The following TERB1 variants were observed in gnomAD, a reference collection of about 807,000 sequenced individuals.
TERB1 encodes telomere repeats-binding bouquet formation protein 1.
TERB1 carries 63 observed loss-of-function variants against 92.3 expected under a neutral mutation model. The ratio of observed to expected loss-of-function variants is 0.68; its 90% CI spans 0.56 to 0.84. The LOEUF (loss-of-function observed/expected upper bound fraction) is 0.84, where lower values mean the gene tolerates loss of function less well. Ranked by LOEUF, TERB1 falls within the 40% of genes least tolerant of loss-of-function variation. The pLI is 0.00. For synonymous variants in TERB1, 252 were observed against 283.9 expected, an observed-to-expected ratio of 0.89 and a Z score of 1.13; for missense variants, 709 against 843.7, an observed-to-expected ratio of 0.84 and a Z score of 1.98.
chr16:66,770,102 G>A lies in TERB1; in HGVS notation c.1480C>T (p.Pro494Ser). The change falls in exon 14 of 19, where the codon CCG becomes TCG. Residue 494 changes from proline (P) to serine (S), a missense_variant. By Grantham distance (74) the Pro-to-Ser change is moderately conservative. Coordinates refer to ENST00000433154, the MANE Select transcript of TERB1 (RefSeq NM_001136505.2). ...ACTNDDQMKT[P>S]LKSANPVHAC... ...TGGACTGGATTTGCGCTCTTTAACG[G>A]TGTCTTCATTTGGTCATCATTTGTA... 1 of 1,552,036 alleles carries A rather than the reference G, an allele frequency of 6.4e-7. No homozygotes were observed. Among genetic ancestry groups the A allele is most frequent in the Non-Finnish European group, 8.7e-7 (1 of 1,147,068 alleles).
Position 66,768,136 on chromosome 16 carries a change from G to A in TERB1, c.1652C>T (p.Ala551Val). The A allele has an allele frequency of 6.4e-7, 1 of 1,550,542 alleles. No individual in the cohort carries two copies. Among genetic ancestry groups the A allele is most frequent in the Non-Finnish European group, 8.7e-7 (1 of 1,146,264 alleles). The change falls in exon 15 of 19, where the codon GCC (alanine) becomes GTC (valine). Residue 551 changes from alanine to valine, a missense_variant. Transcript: ENST00000433154. ...TGGTAACTGCTGCTTTATATTTTTGGCAATGTGAACTGGGTGTTTAAAAAC... is the reference window on the plus strand; with the variant it reads ...TGGTAACTGCTGCTTTATATTTTTGACAATGTGAACTGGGTGTTTAAAAAC... ...DHVFKHPVHI[A>V]KNIKQQLPVT...
intron 3 of TERB1, among the ~76,000 whole-genome samples, chr16:66,791,989 C>T (rs1002040704): frequency 6.6e-6 from 1 of 152,130 alleles, no homozygotes; most frequent in Non-Finnish European, 1.5e-5. Flanking sequence ...AGCAACAAAA[C>T]TACAGACCAG....
At chr16:66,790,455 GA>G (rs1191085836) in intron 5 of TERB1, 139 bp downstream of exon 5, 23 of 556,594 alleles carry the variant, frequency 4.1e-5, no homozygotes, top group East Asian at 2.2e-4. Context: ...GAAAGGAAGG[GA>G]GGGGGGAAGG....
chr16:66,782,278 G>T (rs754216961), intron 9 of TERB1, among the ~76,000 whole-genome samples: 1 of 152,104 alleles, frequency 6.6e-6, no homozygotes, highest in South Asian at 2.1e-4. Flanking sequence ...GGCCAGGTGC[G>T]GTGGCTCATG....
chr16:66,798,330 T>TCACCA, intron 2 of TERB1, among the ~76,000 whole-genome samples: 1 of 152,070 alleles, frequency 6.6e-6, no homozygotes, highest in South Asian at 2.1e-4. Context: ...CAGGCACACA[T>TCACCA]CACCACACTG....
At chr16:66,759,075 A>G (rs2018185023) in intron 17 of TERB1, 66 bp downstream of exon 17, 1 of 1,296,066 alleles carries the variant, frequency 7.7e-7, no homozygotes, top group Admixed American at 2.9e-5. Context: ...AATATATTTA[A>G]TGCTTTAGAT....
chr16:66,761,037 G>T (rs566985483), intron 16 of TERB1, among the ~76,000 whole-genome samples: 71 of 143,382 alleles, frequency 5.0e-4, no homozygotes, highest in Non-Finnish European at 7.0e-4. Context: ...GCTTGAACCC[G>T]CCAGGTGGAG....
chr16:66,761,517 G>A (rs1204229826), intron 16 of TERB1, among the ~76,000 whole-genome samples: 3 of 151,794 alleles, frequency 2.0e-5, no homozygotes, highest in Non-Finnish European at 2.9e-5. Context: ...AGGGTTGAGA[G>A]TGGTGGCTCA....
chr16:66,796,395 G>A (rs1248414817), intron 3 of TERB1, among the ~76,000 whole-genome samples: 2 of 152,132 alleles, frequency 1.3e-5, no homozygotes, highest in East Asian at 1.9e-4. Context: ...ATGTGATGGT[G>A]TATATTATTG....
At chr16:66,786,544 G>A (rs549264106) in intron 6 of TERB1, among the ~76,000 whole-genome samples, 18 of 152,312 alleles carry the variant, frequency 1.2e-4, no homozygotes, top group African/African-American at 4.3e-4. Context: ...GTTCTGTGTT[G>A]CAGTATCAAG....
rs747210566 is a variant in TERB1 at position 66,790,969 on chromosome 16, C to T, written c.82G>A (p.Asp28Asn). 2.4e-5 allele frequency: 37 copies of T among 1,549,170 alleles called. No individual in the cohort carries two copies. The highest frequency in any genetic ancestry group is 7.9e-5 in the Admixed American group (4 of 50,796). The change falls in exon 4 of 19, where the codon GAC becomes AAC. Residue 28 changes from aspartate (D) to asparagine (N), a missense_variant. Asp to Asn is a conservative substitution (Grantham distance 23). Transcript: ENST00000433154. ...GCTTCCTTTTGTGAAAAAGCATTGT[C>T]CATTTGATACTTTAGACACTCCAAT... ...LLLECLKYQMDNAFSQKEALV... is the reference protein window; with the variant it reads ...LLLECLKYQMNNAFSQKEALV...
intron 2 of TERB1, among the ~76,000 whole-genome samples, chr16:66,797,443 C>T (rs1959203090): frequency 6.6e-6 from 1 of 151,674 alleles, no homozygotes; most frequent in Non-Finnish European, 1.5e-5. Flanking sequence ...CGCCATATTG[C>T]CCAGGCTGGT....
At chr16:66,779,057 G>A in intron 9 of TERB1, 42 bp from the exon 10 acceptor site, 1 of 1,364,494 alleles carries the variant, frequency 7.3e-7, no homozygotes, top group Non-Finnish European at 9.8e-7. Context: ...TTTCAAACAA[G>A]ACAGCTGAAT....
At chr16:66,778,769 A>G (rs1005471278) in intron 10 of TERB1, 94 bp downstream of exon 10, 406 of 1,052,410 alleles carry the variant, frequency 3.9e-4, no homozygotes, top group Non-Finnish European at 5.0e-4. Context: ...CTTAGTCTAA[A>G]CCATGTTACT....
chr16:66,766,766 TA>T, intron 16 of TERB1, among the ~76,000 whole-genome samples: 4 of 152,098 alleles, frequency 2.6e-5, no homozygotes. Context: ...TACATACAAA[TA>T]TTGGAAGCTC....
intron 17 of TERB1, 151 bp downstream of exon 17, chr16:66,758,990 C>T: frequency 1.1e-6 from 1 of 918,428 alleles, no homozygotes; most frequent in Admixed American, 3.0e-5. Context: ...TAAGACTACT[C>T]CCTGGGTACA....
chr16:66,759,312 T>G (rs2018190647), intron 16 of TERB1, 22 bp from the exon 17 acceptor site: 2 of 1,517,072 alleles, frequency 1.3e-6, no homozygotes, highest in Admixed American at 4.8e-5. Context: ...CAAATTAAAG[T>G]TATGTGTAGA....
chr16:66,794,786 T>A (rs1188431195), intron 3 of TERB1, among the ~76,000 whole-genome samples: 1 of 151,924 alleles, frequency 6.6e-6, no homozygotes, highest in Non-Finnish European at 1.5e-5. Flanking sequence ...GGTGGGCGCC[T>A]GCAGTCCCAG....
chr16:66,759,052 T>G, intron 17 of TERB1, 89 bp downstream of exon 17: 2 of 1,178,744 alleles, frequency 1.7e-6, no homozygotes, highest in Non-Finnish European at 2.3e-6. Context: ...GATTATTTTA[T>G]CCTCTAGTTT....
Sources: gnomAD v4.1 joint callset for allele counts (sites outside exome capture counted in the v4.1 genomes callset) on GRCh38, gnomAD v4.1.1 for gene constraint, MANE v1.5 for transcripts, NCBI Gene and HGNC (gene_info 2026-07-23, HGNC 2026-07-21) for gene names.